The following GNB1L variants were observed in gnomAD, a reference collection of about 807,000 sequenced individuals.
GNB1L encodes the protein guanine nucleotide-binding protein subunit beta-like protein 1.
GNB1L carries 20 observed loss-of-function variants against 29.1 expected under a neutral mutation model. The observed-to-expected ratio is 0.69, with a 90% CI of 0.48 to 1.00. The LOEUF (loss-of-function observed/expected upper bound fraction) is 1.00. Ranked by LOEUF, GNB1L falls within the 50% of genes least tolerant of loss-of-function variation. GNB1L has a pLI of 0.00. For synonymous variants in GNB1L, 193 were observed against 206.5 expected (o/e 0.93, Z 0.56); for missense variants, 421 against 464.9 (o/e 0.91, Z 0.87).
chr22:19,850,408 G>T, intron 2 of GNB1L: 1 of 991,104 alleles, frequency 1.0e-6, no homozygotes. Flanking sequence ...GAGTGAGCAG[G>T]GGATGGCAGC....
intron 2 of GNB1L, among the ~76,000 whole-genome samples, chr22:19,823,690 G>A (rs12628515): frequency 6.6e-6 from 1 of 152,126 alleles, no homozygotes; most frequent in African/African-American, 2.4e-5. Context: ...ACACACATTA[G>A]ACACACGCTA....
At chr22:19,806,840 G>T in intron 5 of GNB1L, 83 bp from the exon 6 acceptor site, 2 of 1,022,104 alleles carry the variant, frequency 2.0e-6, no homozygotes, top group Non-Finnish European at 1.5e-6. Context: ...AAGGCGATTA[G>T]CCCGGGCTGC....
At chr22:19,844,598 C>G (rs1031893357) in intron 2 of GNB1L, among the ~76,000 whole-genome samples, 78 of 152,344 alleles carry the variant, frequency 5.1e-4, no homozygotes, top group African/African-American at 1.8e-3. Context: ...TGAGGAGCCA[C>G]CAGGCTGCAG....
At chr22:19,798,788 G>A (rs542399469) in intron 7 of GNB1L, among the ~76,000 whole-genome samples, 94 of 152,324 alleles carry the variant, frequency 6.2e-4, no homozygotes, top group Non-Finnish European at 1.1e-3. Flanking sequence ...AGGATGATGC[G>A]GGAAGCCTGG....
intron 5 of GNB1L, among the ~76,000 whole-genome samples, chr22:19,809,154 T>A (rs1424589123): frequency 2.0e-5 from 3 of 151,474 alleles, no homozygotes; most frequent in South Asian, 2.1e-4. Context: ...TCTGTGCCTT[T>A]AAAAACCCCC....
chr22:19,811,067 G>A (rs146725208), intron 5 of GNB1L, among the ~76,000 whole-genome samples: 5 of 152,316 alleles, frequency 3.3e-5, no homozygotes, highest in East Asian at 1.9e-4. Flanking sequence ...CTTGGGTCCC[G>A]GGGGAGGAAG....
intron 2 of GNB1L, among the ~76,000 whole-genome samples, chr22:19,831,481 G>A (rs997470431): frequency 1.3e-5 from 2 of 151,650 alleles, no homozygotes; most frequent in African/African-American, 4.8e-5. Context: ...CACAAGGTCA[G>A]GAGATCGAGA....
At chr22:19,801,427 C>G (rs902749875) in intron 7 of GNB1L, among the ~76,000 whole-genome samples, 6 of 148,146 alleles carry the variant, frequency 4.1e-5, no homozygotes, top group African/African-American at 1.5e-4. Flanking sequence ...GTAGGCCAGG[C>G]CACCCTGGAG....
rs964517435 is a variant in GNB1L, at chr22:19,816,127, C to T, written c.255-3680G>A. 7.2e-5 allele frequency among the ~76,000 whole-genome samples: 11 copies of T among 152,170 alleles called. No homozygotes were observed. The highest frequency in any genetic ancestry group is 1.5e-4 in the Non-Finnish European group (10 of 68,012). On this transcript the variant is annotated intron_variant, in intron 4 of 7. Coordinates refer to ENST00000329517, the MANE Select transcript of GNB1L (RefSeq NM_053004.3). This position sits in a 1 kb window ranked among gnomAD's most constrained non-coding sequence, Gnocchi z 4.4. ...TCGCGGGGCCCCGGCTGCCTCTGCC[C>T]CCTGCATGGCCCCTTCTCTCTCCCT... is the stretch of plus-strand genomic sequence containing the variant.
chr22:19,850,626 C>T (rs968336439), intron 2 of GNB1L: 4 of 1,220,386 alleles, frequency 3.3e-6, no homozygotes, highest in Non-Finnish European at 4.1e-6. Flanking sequence ...ACTCATCCCC[C>T]AGAATCAAAG....
chr22:19,853,864 A>T (rs1938171400), intron 2 of GNB1L, among the ~76,000 whole-genome samples: 1 of 152,094 alleles, frequency 6.6e-6, no homozygotes, highest in Admixed American at 6.5e-5. Flanking sequence ...TCCAGGGCCC[A>T]GCTCCCACCA....
chr22:19,789,831 T>C (rs957808041), intron 7 of GNB1L, among the ~76,000 whole-genome samples: 2 of 124,368 alleles, frequency 1.6e-5, no homozygotes, highest in Admixed American at 8.6e-5. Flanking sequence ...AGTGAGACCC[T>C]GTCTCAAAAA....
At chr22:19,844,816 C>T (rs573272873) in intron 2 of GNB1L, among the ~76,000 whole-genome samples, 5 of 152,334 alleles carry the variant, frequency 3.3e-5, no homozygotes, top group South Asian at 2.1e-4. Flanking sequence ...CTTTTTGACC[C>T]GGGTGAACAC....
chr22:19,788,802 A>G lies in GNB1L; in HGVS notation c.891T>C (p.Ala297=), dbSNP rs1412208458. 4 of 1,612,544 alleles carry G rather than the reference A, an allele frequency of 2.5e-6. No homozygotes were observed. In the African/African-American group the frequency reaches 4.0e-5, roughly 16 times the overall value. The change falls in exon 8 of 8, where the codon GCT becomes GCC. Residue 297 remains alanine, a synonymous_variant. Coordinates refer to ENST00000329517, the MANE Select transcript of GNB1L (RefSeq NM_053004.3). ...CGGCGGTGAAGGCCACGCACTGGAC[A>G]GCGGCGCTGTGGAAGGCCAGCACGG... ...PLAVLAFHSA[A]VQCVAFTADG... is the part of the protein sequence containing the mutation.
At position 19,821,380 on chromosome 22, in the gene GNB1L, G is replaced by C; in HGVS notation, c.-20-5C>G. 1.2e-6 allele frequency: 2 copies of C among 1,609,646 alleles called. No individual in the cohort carries two copies. The highest frequency in any genetic ancestry group is 1.7e-6 in the Non-Finnish European group (2 of 1,179,084). ...TGCTGGGCAGGATGCAGTTACCTGG[G>C]CACCAAGGGAGGGCGTGTGAGTGAC... is the stretch of plus-strand genomic sequence containing the variant. On this transcript the variant is annotated splice_polypyrimidine_tract_variant and splice_region_variant and intron_variant, in intron 2 of 7. Transcript: ENST00000329517.
intron 2 of GNB1L, chr22:19,847,806 A>C: frequency 2.2e-5 from 10 of 448,046 alleles, no homozygotes; most frequent in Non-Finnish European, 2.9e-5. Flanking sequence ...ATCATAGGCA[A>C]AAAAAAAAAA....
intron 7 of GNB1L, among the ~76,000 whole-genome samples, chr22:19,799,380 G>A (rs555858693): frequency 7.2e-5 from 11 of 152,304 alleles, no homozygotes; most frequent in African/African-American, 2.4e-4. Context: ...ACTTGACCCC[G>A]AGGCACCCTC....
At chr22:19,813,201 G>A (rs542682116) in intron 4 of GNB1L, among the ~76,000 whole-genome samples, 35 of 152,310 alleles carry the variant, frequency 2.3e-4, no homozygotes, top group African/African-American at 7.9e-4. Context: ...GCACCCAGGC[G>A]TCTCCCGGTG....
At position 19,802,182 on chromosome 22, in the gene GNB1L, C is replaced by A. The variant is rs1433642815; in HGVS notation, c.551G>T (p.Gly184Val). The A allele has an allele frequency of 6.2e-7, 1 of 1,613,162 alleles. No individual in the cohort carries two copies. Among genetic ancestry groups the A allele is most frequent in the Non-Finnish European group, 8.5e-7 (1 of 1,180,020 alleles). ...DCSSRPLLLAGYEDGSVVLWD... is the reference protein window; with the variant it reads ...DCSSRPLLLAVYEDGSVVLWD... ...CAGGACCACCGATCCATCCTCATAG[C>A]CGGCCAGAAGGAGTGGGCGGGAGCT... The change falls in exon 7 of 8, where the codon GGC becomes GTC. Residue 184 changes from glycine to valine, a missense_variant. Gly to Val is a moderately radical substitution (Grantham distance 109). Coordinates refer to ENST00000329517, the MANE Select transcript of GNB1L (RefSeq NM_053004.3).
Sources: gnomAD v4.1 joint callset for allele counts (sites outside exome capture counted in the v4.1 genomes callset) on GRCh38, gnomAD v4.1.1 for gene constraint, Gnocchi (gnomAD v3.1) non-coding constraint, MANE v1.5 for transcripts, NCBI Gene and HGNC (gene_info 2026-07-23, HGNC 2026-07-21) for gene names.